ADAM12: variants seen among roughly 807,000 people sequenced by gnomAD.
The protein encoded by ADAM12 is ADAM metallopeptidase domain 12.
ADAM12 carries 70 observed loss-of-function variants against 106.4 expected under a neutral mutation model. The observed-to-expected ratio is 0.66, with a 90% CI of 0.54 to 0.80. ADAM12 has a LOEUF of 0.80. Ranked by LOEUF, ADAM12 falls within the 30% of genes least tolerant of loss-of-function variation. The pLI, the probability that ADAM12 is intolerant of heterozygous loss-of-function variation, is 0.00. For synonymous variants in ADAM12, 420 were observed against 433.5 expected, an observed-to-expected ratio of 0.97 and a Z score of 0.39; for missense variants, 1,010 against 1,171.9, an observed-to-expected ratio of 0.86 and a Z score of 2.02.
intron 1 of ADAM12, among the ~76,000 whole-genome samples, chr10:126,375,533 T>C (rs10510151): frequency 0.072 from 11,020 of 152,066 alleles, 524 homozygotes; most frequent in East Asian, 0.17. Context: ...GTGTCTGAAA[T>C]GCAAATGTTA....
chr10:126,300,767 C>T (rs1292089005), intron 2 of ADAM12, among the ~76,000 whole-genome samples: 3 of 151,924 alleles, frequency 2.0e-5, no homozygotes, highest in Non-Finnish European at 2.9e-5. Context: ...CCTTTAAAAC[C>T]CTGACGTAAA....
At position 126,230,531 on chromosome 10, in the gene ADAM12, C is replaced by T. The variant is rs112571857; in HGVS notation, c.260+48384G>A. ...CACTCTTCCAAACTGTGTAAGAACC[C>T]ACCCACTCTCCTGAAACTCCATCAA... On this transcript the variant is annotated intron_variant, in intron 3 of 22. Coordinates refer to ENST00000448723, the MANE Select transcript of ADAM12 (RefSeq NM_001288973.2). 8.0e-3 allele frequency among the ~76,000 whole-genome samples: 1,215 copies of T among 152,260 alleles called. 23 individuals carry two copies. The highest frequency in any genetic ancestry group is 0.028 in the African/African-American group (1,160 of 41,534).
chr10:126,027,851 A>AGG (rs1000469239), intron 21 of ADAM12, among the ~76,000 whole-genome samples: 1 of 152,218 alleles, frequency 6.6e-6, no homozygotes. Flanking sequence ...AGTTCTGGGA[A>AGG]GGGCAATCAG....
rs547394169 is a variant in ADAM12 at position 126,106,894 on chromosome 10, C to T, written c.741+1699G>A. ...TTTTTCTACTATCATGTGTGTCTCT[C>T]CCCTGCTTAAAAACATTCACCTAGC... is the stretch of plus-strand genomic sequence containing the variant. On this transcript the variant is annotated intron_variant, in intron 8 of 22. Coordinates refer to ENST00000448723, the MANE Select transcript of ADAM12 (RefSeq NM_001288973.2). Among the ~76,000 whole-genome samples, 3 of 152,288 alleles carry T rather than the reference C, an allele frequency of 2.0e-5. No individual in the cohort carries two copies. The East Asian group carries it at 5.8e-4, about 29-fold the overall frequency.
intron 4 of ADAM12, among the ~76,000 whole-genome samples, chr10:126,140,303 C>T (rs577071954): frequency 1.7e-4 from 26 of 152,164 alleles, no homozygotes; most frequent in Non-Finnish European, 3.1e-4. Flanking sequence ...ATTTCAAGCT[C>T]ATTTATACTC....
chr10:126,308,674 C>T (rs566303920), intron 2 of ADAM12, among the ~76,000 whole-genome samples: 4 of 152,170 alleles, frequency 2.6e-5, no homozygotes, highest in Non-Finnish European at 4.4e-5. Flanking sequence ...GAGGAAATGC[C>T]CTCAAACTAT....
intron 3 of ADAM12, among the ~76,000 whole-genome samples, chr10:126,181,539 C>T (rs929515037): frequency 2.0e-5 from 3 of 152,134 alleles, no homozygotes; most frequent in Non-Finnish European, 2.9e-5. Context: ...TCTGTCCACC[C>T]ACCCAGCCAT....
intron 13 of ADAM12, among the ~76,000 whole-genome samples, 189 bp from the exon 14 acceptor site, chr10:126,065,190 C>T (rs937268741): frequency 6.6e-6 from 1 of 152,158 alleles, no homozygotes; most frequent in Admixed American, 6.5e-5. Flanking sequence ...GTTCACTGTT[C>T]CACTCTAAAG....
At position 126,066,168 on chromosome 10, in the gene ADAM12, C is replaced by A. The variant is rs981039824; in HGVS notation, c.1413+549G>T. Among the ~76,000 whole-genome samples, 3 of 152,200 alleles carry A rather than the reference C, an allele frequency of 2.0e-5. No homozygotes were observed. Among genetic ancestry groups the A allele is most frequent in the Non-Finnish European group, 4.4e-5 (3 of 68,042 alleles). ...AGCTCTGAATAATGAGACAATGGAA[C>A]TGCCAAAAGAAACGCAGTCCTAGCC... On this transcript the variant is annotated intron_variant, in intron 13 of 22. Coordinates refer to ENST00000448723, the MANE Select transcript of ADAM12 (RefSeq NM_001288973.2). The surrounding 1 kb of genome is among the most constrained non-coding windows in gnomAD (Gnocchi z 5.1).
At chr10:126,370,225 C>T (rs1168562712) in intron 1 of ADAM12, among the ~76,000 whole-genome samples, 4 of 152,156 alleles carry the variant, frequency 2.6e-5, no homozygotes, top group African/African-American at 4.8e-5. Context: ...TGCCTAGATT[C>T]GTAACCCACA....
chr10:126,388,006 T>A lies in ADAM12; in HGVS notation c.88+52A>T, dbSNP rs1856737011. ...GACCTCGGCGCGCCCAGGCGCAGCG[T>A]GCGGTGCCCTCGGCGGGGCGGGCAG... is the stretch of plus-strand genomic sequence containing the variant. On this transcript the variant is annotated intron_variant, in intron 1 of 22. Transcript: ENST00000448723. This position sits in a 1 kb window ranked among gnomAD's most constrained non-coding sequence, Gnocchi z 4.4. 1 of 1,192,174 alleles carries A rather than the reference T, an allele frequency of 8.4e-7. No homozygotes were observed. The highest frequency in any genetic ancestry group is 1.0e-6 in the Non-Finnish European group (1 of 962,568). The allele number at this position is 1,192,174 out of a possible 1,614,324, so 73.8% of individuals were successfully genotyped here. A position where few individuals can be genotyped will look rare whatever the true frequency, so the allele number is the denominator to read the frequency against.
chr10:126,306,422 T>C (rs773316370), intron 2 of ADAM12, among the ~76,000 whole-genome samples: 1 of 152,170 alleles, frequency 6.6e-6, no homozygotes, highest in Non-Finnish European at 1.5e-5. Context: ...TCTTGCATTA[T>C]TGTTTTAAAG....
chr10:126,191,428 C>T (rs1444122121), intron 3 of ADAM12, among the ~76,000 whole-genome samples: 2 of 152,110 alleles, frequency 1.3e-5, no homozygotes, highest in African/African-American at 2.4e-5. Context: ...CAGCAGGTGA[C>T]CGCATGAGTC....
At chr10:126,120,459 A>C (rs942297276) in intron 5 of ADAM12, among the ~76,000 whole-genome samples, 5 of 152,188 alleles carry the variant, frequency 3.3e-5, no homozygotes, top group Admixed American at 2.6e-4. Context: ...CCTGGGACAA[A>C]GTCTGTTGGG....
At chr10:126,370,779 T>G (rs1030943200) in intron 1 of ADAM12, among the ~76,000 whole-genome samples, 1 of 152,188 alleles carries the variant, frequency 6.6e-6, no homozygotes, top group African/African-American at 2.4e-5. Context: ...TGGTTTAGCA[T>G]GTGGGCCCTG....
chr10:126,307,033 GCT>G (rs946511489), intron 2 of ADAM12, among the ~76,000 whole-genome samples: 8 of 152,054 alleles, frequency 5.3e-5, no homozygotes, highest in African/African-American at 1.9e-4. Flanking sequence ...TGGCTTCTGT[GCT>G]CTGTTCTGTT....
At chr10:126,336,587 T>C (rs1178405717) in intron 1 of ADAM12, among the ~76,000 whole-genome samples, 1 of 152,118 alleles carries the variant, frequency 6.6e-6, no homozygotes, top group Non-Finnish European at 1.5e-5. Context: ...TCCAGCATAC[T>C]CTAGAAAACA....
intron 4 of ADAM12, among the ~76,000 whole-genome samples, chr10:126,145,922 T>C (rs1234132279): frequency 6.6e-6 from 1 of 152,198 alleles, no homozygotes; most frequent in Non-Finnish European, 1.5e-5. Flanking sequence ...CTAAGAAATT[T>C]GAATTTGACT....
Position 126,063,583 on chromosome 10 carries a change from C to T in ADAM12, c.1609+1223G>A, listed in dbSNP as rs535079596. 7.9e-5 allele frequency among the ~76,000 whole-genome samples: 12 copies of T among 152,292 alleles called. No homozygotes were observed. In the South Asian group the frequency reaches 8.3e-4, roughly 11 times the overall value. ...GCTTGGCTTTCAGCCTGGGCCTGGC[C>T]GACCACAAGAGGCCTTGCCAGAGCT... On this transcript the variant is annotated intron_variant, in intron 14 of 22. Coordinates refer to ENST00000448723, the MANE Select transcript of ADAM12 (RefSeq NM_001288973.2).
Sources: gnomAD v4.1 joint callset for allele counts (sites outside exome capture counted in the v4.1 genomes callset) on GRCh38, gnomAD v4.1.1 for gene constraint, Gnocchi (gnomAD v3.1) non-coding constraint, MANE v1.5 for transcripts, NCBI Gene and HGNC (gene_info 2026-07-23, HGNC 2026-07-21) for gene names.